The following DDX42 variants were observed in gnomAD, a reference collection of about 807,000 sequenced individuals.
The protein encoded by DDX42 is ATP-dependent RNA helicase DDX42.
A neutral mutation model predicts 101.5 loss-of-function variants in DDX42; 22 were observed. The ratio of observed to expected loss-of-function variants is 0.22; its 90% CI spans 0.15 to 0.31. The LOEUF is 0.31. DDX42 is among the 10% of genes least tolerant of loss of function. The pLI is 1.00. For missense variants in DDX42, 849 were observed against 1,199.9 expected (o/e 0.71, Z 4.32); for synonymous variants, 402 against 401.2 (o/e 1.00, Z -0.02).
chr17:63,811,231 C>A, intron 13 of DDX42, 58 bp downstream of exon 13: 4 of 1,235,552 alleles, frequency 3.2e-6, no homozygotes, highest in Admixed American at 4.5e-5. Flanking sequence ...TATTATGGAA[C>A]ACAGAATTAA....
At chr17:63,812,283 A>G (rs963770153) in intron 14 of DDX42, 75 bp downstream of exon 14, 3 of 1,519,196 alleles carry the variant, frequency 2.0e-6, no homozygotes, top group Non-Finnish European at 2.6e-6. Context: ...TAAGACCTAT[A>G]ATATCTGAGC....
chr17:63,777,470 C>T (rs547740569), intron 1 of DDX42, among the ~76,000 whole-genome samples: 40 of 138,076 alleles, frequency 2.9e-4, no homozygotes, highest in Non-Finnish European at 5.2e-4. Context: ...TTTTTTGAGA[C>T]GGAGTCTCAC....
chr17:63,779,324 C>T (rs2039458695), intron 1 of DDX42, among the ~76,000 whole-genome samples: 1 of 152,136 alleles, frequency 6.6e-6, no homozygotes, highest in Non-Finnish European at 1.5e-5. Flanking sequence ...AGTGCATTGG[C>T]ATGATCTCGG....
chr17:63,813,090 G>A (rs1487839729), intron 14 of DDX42, 138 bp from the exon 15 acceptor site: 3 of 697,888 alleles, frequency 4.3e-6, no homozygotes, highest in Non-Finnish European at 7.1e-6. Context: ...GACTTAACAT[G>A]CCTGTATCTC....
In DDX42 at chr17:63,811,947, A is replaced by G; in HGVS notation, c.1414A>G (p.Thr472Ala). Residue 472 changes from threonine (T) to alanine (A), a missense_variant, in exon 14 of 18, where the codon ACA (threonine) becomes GCA (alanine). Thr to Ala is a moderately conservative substitution (Grantham distance 58). Around this residue, in one of 5 missense-constraint regions of DDX42, gnomAD observed 370 missense variants for 608.8 expected, o/e 0.61. Transcript: ENST00000389924. ...GDIGEANEDV[T>A]QIVEILHSGP... Reference sequence around the variant, plus strand: ...TCCTTCTCAGGCAAATGAAGATGTGACACAGATTGTGGAGATTCTCCATTC... The same window carrying G: ...TCCTTCTCAGGCAAATGAAGATGTGGCACAGATTGTGGAGATTCTCCATTC... The G allele has an allele frequency of 2.5e-6, 4 of 1,614,206 alleles. No individual in the cohort carries two copies. Among genetic ancestry groups the G allele is most frequent in the Non-Finnish European group, 2.5e-6 (3 of 1,180,038 alleles).
chr17:63,781,061 A>G lies in DDX42; in HGVS notation c.-16-5973A>G, dbSNP rs72847373. On this transcript the variant is annotated intron_variant, in intron 1 of 17. Transcript: ENST00000389924. ...CTTCACTTTCTCCTTCCTATCATTG[A>G]TAAACAGCCTACAAAGTACTCTTGA... Among the ~76,000 whole-genome samples, 172 of 152,260 alleles carry G rather than the reference A, an allele frequency of 1.1e-3. 2 individuals carry two copies. The highest frequency in any genetic ancestry group is 2.0e-3 in the Non-Finnish European group (137 of 68,020).
At chr17:63,792,373 G>A (rs2039638891) in intron 2 of DDX42, 39 bp from the exon 3 acceptor site, 1 of 1,596,348 alleles carries the variant, frequency 6.3e-7, no homozygotes, top group African/African-American at 1.3e-5. Context: ...TGACCCCAAA[G>A]TAAGCATTCA....
At chr17:63,786,590 C>G (rs2039550077) in intron 1 of DDX42, among the ~76,000 whole-genome samples, 1 of 152,170 alleles carries the variant, frequency 6.6e-6, no homozygotes, top group Non-Finnish European at 1.5e-5. Context: ...CTCCTGACTA[C>G]AGTGTTATAG....
At chr17:63,790,465 A>T (rs189670359) in intron 2 of DDX42, among the ~76,000 whole-genome samples, 40 of 152,148 alleles carry the variant, frequency 2.6e-4, no homozygotes, top group Middle Eastern at 6.8e-3. Flanking sequence ...TCTCTACTAA[A>T]AATACAAAAA....
intron 15 of DDX42, among the ~76,000 whole-genome samples, chr17:63,814,632 A>G (rs1350447021): frequency 1.5e-5 from 2 of 137,336 alleles, no homozygotes; most frequent in African/African-American, 2.7e-5. Flanking sequence ...TGCTGGTAAT[A>G]TGTGATTGTC....
chr17:63,815,173 GTTGT>G (rs1395284460), intron 15 of DDX42, among the ~76,000 whole-genome samples: 1 of 152,158 alleles, frequency 6.6e-6, no homozygotes, highest in African/African-American at 2.4e-5. Flanking sequence ...GAACATACCA[GTTGT>G]TTAAGTTCCA....
intron 3 of DDX42, among the ~76,000 whole-genome samples, chr17:63,796,279 G>A (rs180774786): frequency 8.1e-4 from 124 of 152,248 alleles, no homozygotes; most frequent in Middle Eastern, 3.4e-3. Flanking sequence ...GACAGTATCC[G>A]AGAATAGGCT....
At chr17:63,792,855 A>G (rs1030620305) in intron 3 of DDX42, among the ~76,000 whole-genome samples, 1 of 152,208 alleles carries the variant, frequency 6.6e-6, no homozygotes, top group Non-Finnish European at 1.5e-5. Flanking sequence ...AAATGGAATT[A>G]ATATTCAATC....
At chr17:63,816,382 A>G (rs2039977109) in intron 16 of DDX42, among the ~76,000 whole-genome samples, 1 of 152,192 alleles carries the variant, frequency 6.6e-6, no homozygotes, top group Admixed American at 6.5e-5. Flanking sequence ...GGACCATTCC[A>G]AGCAATCAGA....
At position 63,805,147 on chromosome 17, in the gene DDX42, T is replaced by A. The variant is rs770480476; in HGVS notation, c.698T>A (p.Ile233Lys). The stretch of plus-strand genomic sequence containing the variant: ...ACCAACCTCACTCCACAGCAGTTAA[T>A]AGATCTCCGGCATAAGCTCAATCTT... Reference protein sequence around the residue: ...EITNLTPQQLIDLRHKLNLRV... With the variant: ...EITNLTPQQLKDLRHKLNLRV... Residue 233 changes from isoleucine (I) to lysine (K), a missense_variant, in exon 7 of 18, where the codon ATA (isoleucine) becomes AAA (lysine). Ile to Lys is a moderately radical substitution (Grantham distance 102). Around this residue, in one of 5 missense-constraint regions of DDX42, gnomAD observed 370 missense variants for 608.8 expected, o/e 0.61. Transcript: ENST00000389924. 1 of 1,613,088 alleles carries A rather than the reference T, an allele frequency of 6.2e-7. No individual in the cohort carries two copies. The highest frequency in any genetic ancestry group is 8.5e-7 in the Non-Finnish European group (1 of 1,179,808).
At chr17:63,788,553 G>A (rs993353560) in intron 2 of DDX42, among the ~76,000 whole-genome samples, 2 of 151,882 alleles carry the variant, frequency 1.3e-5, no homozygotes, top group African/African-American at 2.4e-5. Flanking sequence ...TGATCCGCCC[G>A]CCTCAGCCTC....
At chr17:63,792,727 C>T (rs1227642391) in intron 3 of DDX42, among the ~76,000 whole-genome samples, 165 bp downstream of exon 3, 2 of 151,408 alleles carry the variant, frequency 1.3e-5, no homozygotes, top group African/African-American at 2.4e-5. Context: ...CTTCCACTTG[C>T]CCTGTAGTAC....
intron 1 of DDX42, among the ~76,000 whole-genome samples, chr17:63,783,344 G>A (rs546872137): frequency 3.9e-5 from 6 of 152,204 alleles, no homozygotes; most frequent in African/African-American, 1.4e-4. Context: ...CCACCTGAAC[G>A]TAAATGTCTT....
At chr17:63,814,016 T>C (rs1476152520) in intron 15 of DDX42, among the ~76,000 whole-genome samples, 1 of 152,120 alleles carries the variant, frequency 6.6e-6, no homozygotes, top group Non-Finnish European at 1.5e-5. Context: ...ATTTTTGTAA[T>C]TTTAGTAGAG....
Sources: allele counts gnomAD v4.1 joint callset (sites outside exome capture counted in the v4.1 genomes callset), GRCh38; gene constraint gnomAD v4.1.1; regional missense constraint gnomAD v4.1.1; transcripts MANE v1.5; gene names NCBI Gene and HGNC (gene_info 2026-07-23, HGNC 2026-07-21).